OTOGL: variants seen among roughly 807,000 people sequenced by gnomAD.
OTOGL encodes the protein otogelin like, also known as otogelin-like protein.
In OTOGL, 285 loss-of-function variants were observed where a neutral mutation model predicts 318.5. That is an observed-to-expected ratio of 0.89 (90% CI 0.81 to 0.99). The LOEUF is 0.99. Among genes scored for constraint, OTOGL ranks in the 50% least tolerant of loss-of-function variants. OTOGL has a pLI of 0.00. For synonymous variants in OTOGL, 987 were observed against 936.5 expected (o/e 1.05, Z -0.99); for missense variants, 2,899 against 2,845.6 (o/e 1.02, Z -0.43).
intron 1 of OTOGL, among the ~76,000 whole-genome samples, chr12:80,101,719 A>T (rs1316659977): frequency 6.6e-6 from 1 of 152,152 alleles, no homozygotes; most frequent in Non-Finnish European, 1.5e-5. Context: ...GAAGAAACTG[A>T]GTCTCACACT....
chr12:80,292,239 C>T lies in OTOGL; in HGVS notation c.2929-4588C>T, dbSNP rs539298022. Reference sequence around the variant, plus strand: ...CTGACCTCAGGAGATCAGCCTGCCTCGGCCTCCCAAATTGCTGAGATTACA... The same window carrying T: ...CTGACCTCAGGAGATCAGCCTGCCTTGGCCTCCCAAATTGCTGAGATTACA... On this transcript the variant is annotated intron_variant, in intron 26 of 58. Coordinates refer to ENST00000547103, the MANE Select transcript of OTOGL (RefSeq NM_001378609.3). 1.6e-4 allele frequency among the ~76,000 whole-genome samples: 24 copies of T among 152,298 alleles called. No homozygotes were observed. In the East Asian group the frequency reaches 1.9e-3, roughly 12 times the overall value.
intron 1 of OTOGL, among the ~76,000 whole-genome samples, chr12:80,162,169 A>T (rs984111349): frequency 3.9e-5 from 6 of 152,172 alleles, no homozygotes; most frequent in African/African-American, 1.4e-4. Flanking sequence ...GAAAATTCTT[A>T]TTCCTCAAAA....
chr12:80,321,536 T>C (rs1456362079), intron 34 of OTOGL, among the ~76,000 whole-genome samples: 2 of 151,906 alleles, frequency 1.3e-5, no homozygotes, highest in South Asian at 2.1e-4. Context: ...GTAACAAATA[T>C]GCACGTTGTG....
chr12:80,284,878 T>A (rs1309040126), intron 26 of OTOGL, among the ~76,000 whole-genome samples: 2 of 152,202 alleles, frequency 1.3e-5, no homozygotes, highest in Non-Finnish European at 2.9e-5. Context: ...ACTCTTTAGT[T>A]TAATTAGATC....
intron 1 of OTOGL, among the ~76,000 whole-genome samples, chr12:80,103,947 G>A (rs1228833739): frequency 6.7e-6 from 1 of 150,078 alleles, no homozygotes; most frequent in African/African-American, 2.5e-5. Context: ...TTTGTGGCCA[G>A]GGGTCAAAAT....
At position 80,307,915 on chromosome 12, in the gene OTOGL, G is replaced by T. The variant is rs572345905; in HGVS notation, c.3333+2220G>T. Among the ~76,000 whole-genome samples, 162 of 125,966 alleles carry T rather than the reference G, an allele frequency of 1.3e-3. 2 individuals carry two copies. Among genetic ancestry groups the T allele is most frequent in the African/African-American group, 5.5e-3 (159 of 28,784 alleles). The allele number at this position is 125,966 out of a possible 152,430, so 82.6% of individuals were successfully genotyped here. A position where few individuals can be genotyped will look rare whatever the true frequency, so the allele number is the denominator to read the frequency against. ...TCCCGGACGGGGCGGCTGGCCGGGC[G>T]GGGGCTGACCCCCCCACCTCCCTCC... On this transcript the variant is annotated intron_variant, in intron 29 of 58. Coordinates refer to ENST00000547103, the MANE Select transcript of OTOGL (RefSeq NM_001378609.3).
In OTOGL at chr12:80,268,617, C is replaced by T. The variant is rs117677098; in HGVS notation, c.2465+1290C>T. Reference sequence around the variant, plus strand: ...CGCAGTACTATTATTCACACAGTTTCCCAAGCCAGAGCTCCAGGAATCATT... The same window carrying T: ...CGCAGTACTATTATTCACACAGTTTTCCAAGCCAGAGCTCCAGGAATCATT... On this transcript the variant is annotated intron_variant, in intron 22 of 58. Coordinates refer to ENST00000547103, the MANE Select transcript of OTOGL (RefSeq NM_001378609.3). 1.4e-3 allele frequency among the ~76,000 whole-genome samples: 209 copies of T among 152,248 alleles called. 4 individuals are homozygous for T. In the East Asian group the frequency reaches 0.018, roughly 13 times the overall value.
chr12:80,295,157 CTTTTTTTTTTTTTTT>C (rs66786755), intron 26 of OTOGL, among the ~76,000 whole-genome samples: 1 of 98,940 alleles, frequency 1.0e-5, no homozygotes, highest in Admixed American at 1.3e-4. Context: ...GATTGCCGAA[CTTTTTTTTTTTTTTT>C]TTTTTTTTTT....
chr12:80,352,420 A>C lies in OTOGL; in HGVS notation c.5391A>C (p.Arg1797Ser), dbSNP rs1412411890. ...CNKFDICIQWRTPDYCSLSCP... is the reference protein window; with the variant it reads ...CNKFDICIQWSTPDYCSLSCP... ...AGTTTGATATCTGTATTCAGTGGAGAACACCTGATTACTGCTGTGAGTAAC... is the reference window on the plus strand; with the variant it reads ...AGTTTGATATCTGTATTCAGTGGAGCACACCTGATTACTGCTGTGAGTAAC... The change falls in exon 45 of 59, where the codon AGA becomes AGC. Residue 1797 changes from arginine (R) to serine (S), a missense_variant. Physicochemically the swap from Arg to Ser is moderately radical, Grantham distance 110. Coordinates refer to ENST00000547103, the MANE Select transcript of OTOGL (RefSeq NM_001378609.3). 1 of 1,602,912 alleles carries C rather than the reference A, an allele frequency of 6.2e-7. No individual in the cohort carries two copies.
chr12:80,209,196 A>G (rs1273142903), intron 1 of OTOGL, among the ~76,000 whole-genome samples: 1 of 152,180 alleles, frequency 6.6e-6, no homozygotes, highest in Non-Finnish European at 1.5e-5. Flanking sequence ...ATACGGGCTC[A>G]GGTAAGAAGC....
At chr12:80,363,891 G>C (rs1049406876) in intron 52 of OTOGL, among the ~76,000 whole-genome samples, 1 of 151,966 alleles carries the variant, frequency 6.6e-6, no homozygotes, top group South Asian at 2.1e-4. Context: ...ACCTTGGTCT[G>C]GTTGTGACCT....
chr12:80,277,862 T>G (rs1252545108), intron 24 of OTOGL, among the ~76,000 whole-genome samples: 1 of 151,554 alleles, frequency 6.6e-6, no homozygotes, highest in Non-Finnish European at 1.5e-5. Flanking sequence ...CTATAAATTT[T>G]TTTTCGGGAT....
chr12:80,151,380 T>C (rs1299316449), intron 1 of OTOGL, among the ~76,000 whole-genome samples: 1 of 152,176 alleles, frequency 6.6e-6, no homozygotes, highest in Non-Finnish European at 1.5e-5. Context: ...TAAAGTACTT[T>C]TCACTCCATT....
chr12:80,336,212 AC>A, intron 39 of OTOGL, 72 bp downstream of exon 39: 1 of 1,417,854 alleles, frequency 7.1e-7, no homozygotes, highest in Non-Finnish European at 9.2e-7. Flanking sequence ...ACTTTTTTGA[AC>A]CTTTCACCTC....
intron 52 of OTOGL, among the ~76,000 whole-genome samples, chr12:80,362,717 G>A (rs1313586198): frequency 6.6e-6 from 1 of 151,984 alleles, no homozygotes; most frequent in Non-Finnish European, 1.5e-5. Flanking sequence ...TCCAGAGATG[G>A]CAACCATCAA....
At chr12:80,241,380 C>A (rs142371714) in intron 11 of OTOGL, among the ~76,000 whole-genome samples, 1 of 152,126 alleles carries the variant, frequency 6.6e-6, no homozygotes, top group East Asian at 1.9e-4. Context: ...GGCTAGTGAC[C>A]TTACTATATA....
At chr12:80,125,251 T>G (rs985950121) in intron 1 of OTOGL, among the ~76,000 whole-genome samples, 1 of 152,088 alleles carries the variant, frequency 6.6e-6, no homozygotes, top group Non-Finnish European at 1.5e-5. Flanking sequence ...GCATGAAGGG[T>G]TGTTGAATTT....
chr12:80,277,456 A>G (rs2137615367), intron 24 of OTOGL, among the ~76,000 whole-genome samples: 1 of 122,444 alleles, frequency 8.2e-6, no homozygotes, highest in South Asian at 2.9e-4. Context: ...TTTTTATATT[A>G]AAACTTTATA....
chr12:80,279,265 A>G, intron 26 of OTOGL, 99 bp downstream of exon 26: 3 of 1,145,808 alleles, frequency 2.6e-6, no homozygotes, highest in Non-Finnish European at 3.6e-6. Flanking sequence ...TGTGTTATTT[A>G]TAAAACCTAT....
Sources: allele counts gnomAD v4.1 joint callset (sites outside exome capture counted in the v4.1 genomes callset), GRCh38; gene constraint gnomAD v4.1.1; transcripts MANE v1.5; gene names NCBI Gene and HGNC (gene_info 2026-07-23, HGNC 2026-07-21).